LAMA5: variants seen among roughly 807,000 people sequenced by gnomAD.
LAMA5 encodes laminin subunit alpha 5.
In LAMA5, 260 loss-of-function variants were observed where a neutral mutation model predicts 433.4. The ratio of observed to expected loss-of-function variants is 0.60; its 90% confidence interval spans 0.54 to 0.66. The LOEUF is 0.66. Ranked by LOEUF, LAMA5 falls within the 30% of genes least tolerant of loss-of-function variation. The pLI is 0.00. For synonymous variants in LAMA5, 2,620 were observed against 2,226.6 expected, an observed-to-expected ratio of 1.18 and a Z score of -4.97; for missense variants, 5,378 against 5,258.5, an observed-to-expected ratio of 1.02 and a Z score of -0.70.
chr20:62,314,873 C>A lies in LAMA5; in HGVS notation c.8122G>T (p.Ala2708Ser), dbSNP rs140483668. 18 of 1,612,018 alleles carry A rather than the reference C, an allele frequency of 1.1e-5. No homozygotes were observed. The Middle Eastern group carries it at 6.6e-4, about 59-fold the overall frequency. The change falls in exon 60 of 80, where the codon GCC (alanine) becomes TCC (serine). Residue 2708 changes from alanine (A) to serine (S), a missense_variant. Physicochemically the swap from Ala to Ser is moderately conservative, Grantham distance 99. Coordinates refer to ENST00000252999, the MANE Select transcript of LAMA5 (RefSeq NM_005560.6). ...ATGCTGGCGGACAGGGCCAGGCTGG[C>A]GTTGTGCACCCCACGGTTCTCCAGG... ...SILENRGVHN[A>S]SLALSASIGR...
chr20:62,337,447 C>T (rs117007316), intron 16 of LAMA5, 143 bp downstream of exon 16: 85 of 1,159,610 alleles, frequency 7.3e-5, no homozygotes, highest in South Asian at 3.1e-4. Flanking sequence ...GAACAAGGTG[C>T]GAACACAGAG....
rs1390055319 is a variant in LAMA5, at chr20:62,367,267, C to G, written c.-22G>C. ...CCATCTTCCCGGCTCCGGGCCGCGT[C>G]CCCGAGCTCCAGGGACAGCGCGCGC... is the stretch of plus-strand genomic sequence containing the variant. On this transcript the variant is annotated 5_prime_UTR_variant, in exon 1 of 80. Coordinates refer to ENST00000252999, the MANE Select transcript of LAMA5 (RefSeq NM_005560.6). 2.6e-6 allele frequency: 3 copies of G among 1,156,330 alleles called. No homozygotes were observed. Among genetic ancestry groups the G allele is most frequent in the Admixed American group, 4.8e-5 (1 of 20,964 alleles). 71.6% of individuals were successfully genotyped at this position (1,156,330 alleles called of 1,614,324 possible). A position where few individuals can be genotyped will look rare whatever the true frequency, so the allele number is the denominator to read the frequency against.
chr20:62,310,324 G>A lies in LAMA5; in HGVS notation c.10601-13C>T, dbSNP rs1986093239. On this transcript the variant is annotated splice_polypyrimidine_tract_variant and intron_variant, in intron 76 of 79. Coordinates refer to ENST00000252999, the MANE Select transcript of LAMA5 (RefSeq NM_005560.6). ...GCTCCTGGGAGGTCTGCGGGGAGGG[G>A]TTGTGATGGAGAAGAAAGGGGGGGC... 3.1e-6 allele frequency: 5 copies of A among 1,590,742 alleles called. No homozygotes were observed. Among genetic ancestry groups the A allele is most frequent in the Non-Finnish European group, 4.3e-6 (5 of 1,167,304 alleles).
chr20:62,362,365 G>A (rs1231602661), intron 2 of LAMA5, 35 bp downstream of exon 2: 4 of 1,450,804 alleles, frequency 2.8e-6, no homozygotes, highest in Non-Finnish European at 3.7e-6. Flanking sequence ...CAGACACAGA[G>A]ATGGGGGCTG....
chr20:62,339,256 G>A (rs1298518755), intron 11 of LAMA5, among the ~76,000 whole-genome samples: 1 of 44,252 alleles, frequency 2.3e-5, no homozygotes, highest in Middle Eastern at 0.015. Flanking sequence ...TTTTTTTTTT[G>A]AGACGGAGTC....
Position 62,327,366 on chromosome 20 carries a change from C to T in LAMA5, c.4979G>A (p.Arg1660Gln), listed in dbSNP as rs748604849. 1.2e-5 allele frequency: 19 copies of T among 1,598,032 alleles called. No homozygotes were observed. Among genetic ancestry groups the T allele is most frequent in the South Asian group, 9.0e-5 (8 of 88,734 alleles). The change falls in exon 38 of 80, where the codon CGG becomes CAG. Residue 1660 changes from arginine (R) to glutamine (Q), a missense_variant. Transcript: ENST00000252999. ...MEGWVLLSTD[R>Q]QVVPHERQPG... ...CTGCCGCTCGTGGGGCACCACCTGC[C>T]GGTCAGTGCTCAGCAGCACCCATCC...
intron 34 of LAMA5, 48 bp from the exon 35 acceptor site, chr20:62,328,493 CCT>C (rs766600108): frequency 6.9e-7 from 1 of 1,443,042 alleles, no homozygotes; most frequent in Non-Finnish European, 9.2e-7. Context: ...CAGTCCCGCC[CCT>C]CTCAGAGGCC....
chr20:62,315,235 AG>A (rs1437714414), intron 58 of LAMA5, 28 bp from the exon 59 acceptor site: 1 of 1,576,424 alleles, frequency 6.3e-7, no homozygotes, highest in East Asian at 2.3e-5. Context: ...CAGGCTCAGC[AG>A]GGGCCAGCGG....
intron 1 of LAMA5, among the ~76,000 whole-genome samples, chr20:62,362,928 AAG>A (rs1986312512): frequency 6.6e-6 from 1 of 152,020 alleles, no homozygotes; most frequent in Admixed American, 6.5e-5. Flanking sequence ...TGGGGGCAGG[AAG>A]AGTCTCACAG....
At chr20:62,330,421 C>T (rs1251000204) in intron 31 of LAMA5, 67 bp downstream of exon 31, 7 of 1,463,166 alleles carry the variant, frequency 4.8e-6, no homozygotes, top group South Asian at 1.4e-5. Context: ...ACAGGCCACG[C>T]TGTGGCGCCG....
chr20:62,346,758 G>A lies in LAMA5; in HGVS notation c.1115C>T (p.Pro372Leu), dbSNP rs763496070. 6.2e-7 allele frequency: 1 copy of A among 1,612,976 alleles called. No homozygotes were observed. The highest frequency in any genetic ancestry group is 1.1e-5 in the South Asian group (1 of 91,034). ...YGHATDCYYD[P>L]EVDRRRASQS... ...GCTGGCGCGGCGCCGGTCCACCTCA[G>A]GGTCGTAGTAACAGTCGGTGGCATG... The change falls in exon 8 of 80, where the codon CCT becomes CTT. Residue 372 changes from proline (P) to leucine (L), a missense_variant. Pro to Leu is a moderately conservative substitution (Grantham distance 98). Transcript: ENST00000252999.
rs1206386683 is a variant in LAMA5 at position 62,351,793 on chromosome 20, G to A, written c.867C>T (p.Tyr289=). The A allele has an allele frequency of 8.7e-6, 14 of 1,608,534 alleles. No homozygotes were observed. The highest frequency in any genetic ancestry group is 6.7e-5 in the East Asian group (3 of 44,690). The change falls in exon 6 of 80, where the codon TAC becomes TAT. Residue 289 remains tyrosine (Y), a synonymous_variant. Transcript: ENST00000252999. ...CTCCGATGCTGATATCCTTGATGCT[G>A]TAATAATACTGCACCCGCAGGCCCC... The part of the protein sequence containing the change: ...RDPTVTRRYY[Y]SIKDISIGGR...
At chr20:62,319,130 C>A (rs967163523) in intron 51 of LAMA5, 117 bp from the exon 52 acceptor site, 37 of 1,093,424 alleles carry the variant, frequency 3.4e-5, no homozygotes, top group South Asian at 2.7e-4. Context: ...GGGCCCGGAA[C>A]CTGAGCGCAC....
rs1417750222 is a variant in LAMA5 at position 62,356,694 on chromosome 20, G to T, written c.451-3443C>A. Among the ~76,000 whole-genome samples, 10 of 152,296 alleles carry T rather than the reference G, an allele frequency of 6.6e-5. No homozygotes were observed. The East Asian group carries it at 1.9e-3, about 29-fold the overall frequency. On this transcript the variant is annotated intron_variant, in intron 2 of 79. Transcript: ENST00000252999. ...AGGAGTACGGGGCCCAGGACCCAGGGCCCAGGCCGGCTCCAGGCTTCAGGG... is the reference window on the plus strand; with the variant it reads ...AGGAGTACGGGGCCCAGGACCCAGGTCCCAGGCCGGCTCCAGGCTTCAGGG...
Position 62,346,217 on chromosome 20 carries a change from T to C in LAMA5, c.1283-2A>G. The C allele has an allele frequency of 1.2e-6, 2 of 1,610,534 alleles. No individual in the cohort carries two copies. The highest frequency in any genetic ancestry group is 1.7e-6 in the Non-Finnish European group (2 of 1,178,990). ...TGAAGTCGGACTCGCAGTTGCAGCC[T>C]GGGCAGGGGCAGGAGCCGGGTAAGC... is the stretch of plus-strand genomic sequence containing the variant. On this transcript the variant is annotated splice_acceptor_variant, in intron 9 of 79. Transcript: ENST00000252999. LOFTEE classifies it high-confidence loss of function.
In LAMA5 at chr20:62,334,337, G is replaced by C. The variant is rs138657380; in HGVS notation, c.2588C>G (p.Ala863Gly). Reference protein sequence around the residue: ...NTQGPTCSEPARDHYLPDLHH... With the variant: ...NTQGPTCSEPGRDHYLPDLHH... ...CAGGTCCGGGAGGTAGTGGTCCCTC[G>C]CAGGCCTGGCCACAGCAGGGGCTGG... Residue 863 changes from alanine to glycine, a missense_variant, in exon 22 of 80, where the codon GCG becomes GGG. Physicochemically the swap from Ala to Gly is moderately conservative, Grantham distance 60. Transcript: ENST00000252999. 3.8e-6 allele frequency: 6 copies of C among 1,599,218 alleles called. No homozygotes were observed. The highest frequency in any genetic ancestry group is 5.1e-6 in the Non-Finnish European group (6 of 1,173,664).
rs144740011 is a variant in LAMA5 at position 62,318,482 on chromosome 20, C to T, written c.7211G>A (p.Arg2404His). The change falls in exon 53 of 80, where the codon CGC becomes CAC. Residue 2404 changes from arginine (R) to histidine (H), a missense_variant. Coordinates refer to ENST00000252999, the MANE Select transcript of LAMA5 (RefSeq NM_005560.6). ...GGCTTCCTCCAGGCGCTCCTGGTTGCGGCTGTTGAGCTCCTGGGCCTCCCG... is the reference window on the plus strand; with the variant it reads ...GGCTTCCTCCAGGCGCTCCTGGTTGTGGCTGTTGAGCTCCTGGGCCTCCCG... The part of the protein sequence containing the change: ...ATREAQELNS[R>H]NQERLEEALQ... 1,080 of 1,603,874 alleles carry T rather than the reference C, an allele frequency of 6.7e-4. 2 individuals carry two copies. The highest frequency in any genetic ancestry group is 2.1e-3 in the South Asian group (193 of 90,922).
chr20:62,320,886 A>C lies in LAMA5; in HGVS notation c.6501T>G (p.Cys2167Trp), dbSNP rs1045112961. The C allele has an allele frequency of 2.5e-6, 4 of 1,607,304 alleles. No individual in the cohort carries two copies. In the African/African-American group the frequency reaches 5.4e-5, roughly 22 times the overall value. Reference protein sequence around the residue: ...PVGHSIHCEVCDHCVVLLLDD... With the variant: ...PVGHSIHCEVWDHCVVLLLDD... Reference sequence around the variant, plus strand: ...CCAGGAGCAGGACCACACAGTGGTCACACACTGCAGGCGATGTGGGGTCAC... The same window carrying C: ...CCAGGAGCAGGACCACACAGTGGTCCCACACTGCAGGCGATGTGGGGTCAC... Residue 2167 changes from cysteine (C) to tryptophan (W), a missense_variant, in exon 49 of 80, where the codon TGT becomes TGG. Coordinates refer to ENST00000252999, the MANE Select transcript of LAMA5 (RefSeq NM_005560.6).
At position 62,312,783 on chromosome 20, in the gene LAMA5, A is replaced by G. The variant is rs1448835462; in HGVS notation, c.9079-3T>C. 6.3e-7 allele frequency: 1 copy of G among 1,592,770 alleles called. No homozygotes were observed. The highest frequency in any genetic ancestry group is 8.5e-7 in the Non-Finnish European group (1 of 1,172,772). Reference sequence around the variant, plus strand: ...CCCCCCAGCAGGAACACCTGGATCTACAGGACCAGTGGGGGCTCCAGGGCC... The same window carrying G: ...CCCCCCAGCAGGAACACCTGGATCTGCAGGACCAGTGGGGGCTCCAGGGCC... On this transcript the variant is annotated splice_region_variant and splice_polypyrimidine_tract_variant and intron_variant, in intron 66 of 79. Transcript: ENST00000252999.
Sources: gnomAD v4.1 joint callset for allele counts (sites outside exome capture counted in the v4.1 genomes callset) on GRCh38, gnomAD v4.1.1 for gene constraint, MANE v1.5 for transcripts, NCBI Gene and HGNC (gene_info 2026-07-23, HGNC 2026-07-21) for gene names.